SNRPE: variants seen among roughly 807,000 people sequenced by gnomAD.
The protein encoded by SNRPE is small nuclear ribonucleoprotein polypeptide E.
For missense variants in SNRPE, 53 were observed against 111.6 expected, an observed-to-expected ratio of 0.48 and a Z score of 2.36; for synonymous variants, 35 against 36.7, an observed-to-expected ratio of 0.95 and a Z score of 0.17.
intron 3 of SNRPE, among the ~76,000 whole-genome samples, chr1:203,864,699 A>T (rs539356274): frequency 6.6e-6 from 1 of 152,228 alleles, no homozygotes; most frequent in East Asian, 1.9e-4. Flanking sequence ...CAACATGATG[A>T]AACCCTGTTT....
At chr1:203,863,812 A>T (rs1690029801) in intron 3 of SNRPE, 87 bp downstream of exon 3, 1 of 916,204 alleles carries the variant, frequency 1.1e-6, no homozygotes, top group Admixed American at 2.1e-5. Context: ...AGTGTATAAA[A>T]AGTCAAAGAT....
At chr1:203,862,261 A>G (rs375813448) in intron 2 of SNRPE, 39 bp downstream of exon 2, 6 of 1,438,936 alleles carry the variant, frequency 4.2e-6, no homozygotes, top group Admixed American at 1.7e-5. Flanking sequence ...TTTTTAAATA[A>G]GAGGTGAACT....
At chr1:203,862,509 G>A (rs1689997650) in intron 2 of SNRPE, among the ~76,000 whole-genome samples, 1 of 152,100 alleles carries the variant, frequency 6.6e-6, no homozygotes, top group African/African-American at 2.4e-5. Flanking sequence ...ATGGTATTTG[G>A]GCATCAGTAG....
intron 4 of SNRPE, among the ~76,000 whole-genome samples, chr1:203,865,945 T>G (rs1271706399): frequency 6.6e-6 from 1 of 152,218 alleles, no homozygotes; most frequent in African/African-American, 2.4e-5. Flanking sequence ...CTCACCACTC[T>G]GGGAACCTCC....
At chr1:203,865,593 G>A (rs566792064) in intron 4 of SNRPE, among the ~76,000 whole-genome samples, 15 of 152,254 alleles carry the variant, frequency 9.9e-5, no homozygotes, top group African/African-American at 3.6e-4. Flanking sequence ...GCTCAGAGTC[G>A]TCAAGTTCAG....
chr1:203,868,994 T>A (rs992433405), intron 4 of SNRPE, among the ~76,000 whole-genome samples: 1 of 152,212 alleles, frequency 6.6e-6, no homozygotes, highest in African/African-American at 2.4e-5. Flanking sequence ...AAAGATGTCT[T>A]GCCAGGACGG....
At chr1:203,861,746 T>C in intron 1 of SNRPE, 33 bp downstream of exon 1, 1 of 1,547,086 alleles carries the variant, frequency 6.5e-7, no homozygotes, top group Non-Finnish European at 8.9e-7. Flanking sequence ...ACTAGGAGGT[T>C]CGGGTCAGAA....
chr1:203,864,890 A>AAAAT, intron 3 of SNRPE, 151 bp from the exon 4 acceptor site: 1 of 652,208 alleles, frequency 1.5e-6, no homozygotes, highest in African/African-American at 1.9e-5. Context: ...AAAAAAAAAA[A>AAAAT]AAAAAAAAAA....
chr1:203,862,025 T>C (rs1689988055), intron 1 of SNRPE, 171 bp from the exon 2 acceptor site: 11 of 635,382 alleles, frequency 1.7e-5, no homozygotes. Flanking sequence ...TGGATGTTCT[T>C]TAGTCTTTAG....
intron 4 of SNRPE, among the ~76,000 whole-genome samples, chr1:203,867,884 C>T (rs1236207094): frequency 6.6e-6 from 1 of 152,080 alleles, no homozygotes; most frequent in East Asian, 1.9e-4. Context: ...TATGTGCTCC[C>T]TGAGTTTGTA....
chr1:203,867,445 A>G (rs1690115758), intron 4 of SNRPE, among the ~76,000 whole-genome samples: 1 of 152,182 alleles, frequency 6.6e-6, no homozygotes, highest in African/African-American at 2.4e-5. Flanking sequence ...ATATATAATG[A>G]AATAATTATA....
intron 2 of SNRPE, among the ~76,000 whole-genome samples, chr1:203,862,677 G>A (rs1690001234): frequency 6.6e-6 from 1 of 152,182 alleles, no homozygotes; most frequent in Non-Finnish European, 1.5e-5. Context: ...AGAAGGGGTA[G>A]CTTCAGAGGA....
chr1:203,862,092 C>T (rs1689989633), intron 1 of SNRPE, 104 bp from the exon 2 acceptor site: 2 of 902,216 alleles, frequency 2.2e-6, no homozygotes. Context: ...CACCAGACCT[C>T]GCGTTTAGTA....
chr1:203,865,193 A>G, intron 4 of SNRPE, 74 bp downstream of exon 4: 1 of 1,317,746 alleles, frequency 7.6e-7, no homozygotes, highest in Non-Finnish European at 1.1e-6. Context: ...CCTGCAACTC[A>G]GTTCATGTTT....
chr1:203,862,134 G>A lies in SNRPE; in HGVS notation c.55-62G>A, dbSNP rs1558155797. On this transcript the variant is annotated intron_variant, in intron 1 of 4. Transcript: ENST00000414487. ...GGTGAGACGGGAATAGCGTCGTCCG[G>A]TTGTTTCAGGAAGCAGAGTCTATGC... 4.5e-6 allele frequency: 6 copies of A among 1,332,460 alleles called. No homozygotes were observed. In the African/African-American group the frequency reaches 7.2e-5, roughly 16 times the overall value. 82.5% of individuals were successfully genotyped at this position (1,332,460 alleles called of 1,614,324 possible). A position where few individuals can be genotyped will look rare whatever the true frequency, so the allele number is the denominator to read the frequency against.
chr1:203,867,360 T>C (rs980277251), intron 4 of SNRPE, among the ~76,000 whole-genome samples: 1 of 151,968 alleles, frequency 6.6e-6, no homozygotes, highest in African/African-American at 2.4e-5. Context: ...TTCTGTGGAC[T>C]GGGGTGTGGG....
intron 4 of SNRPE, among the ~76,000 whole-genome samples, chr1:203,869,541 A>G (rs1372876402): frequency 6.6e-6 from 1 of 152,060 alleles, no homozygotes; most frequent in African/African-American, 2.4e-5. Context: ...TGGAGTTATA[A>G]TATGCTGTAT....
intron 4 of SNRPE, among the ~76,000 whole-genome samples, chr1:203,868,704 C>G (rs1318348056): frequency 6.6e-6 from 1 of 152,142 alleles, no homozygotes; most frequent in African/African-American, 2.4e-5. Flanking sequence ...GAGTCTCACT[C>G]TGTCTCCCAG....
intron 4 of SNRPE, among the ~76,000 whole-genome samples, chr1:203,867,256 G>C (rs1250565979): frequency 7.0e-6 from 1 of 143,012 alleles, no homozygotes; most frequent in Admixed American, 7.2e-5. Flanking sequence ...CTCCAGCCTG[G>C]GCGACACAGC....
Sources: allele counts gnomAD v4.1 joint callset (sites outside exome capture counted in the v4.1 genomes callset), GRCh38; gene constraint gnomAD v4.1.1; transcripts MANE v1.5; gene names NCBI Gene and HGNC (gene_info 2026-07-23, HGNC 2026-07-21).